ALK: variants seen among roughly 807,000 people sequenced by gnomAD.
ALK encodes ALK receptor tyrosine kinase.
In ALK, 74 loss-of-function variants were observed where a neutral mutation model predicts 163.1. That is an observed-to-expected ratio of 0.45 (90% CI 0.38 to 0.55). ALK has a LOEUF of 0.55. ALK is among the 20% of genes least tolerant of loss of function. The pLI, the probability that ALK is intolerant of heterozygous loss-of-function variation, is 0.00. For synonymous variants in ALK, 960 were observed against 843.2 expected, an observed-to-expected ratio of 1.14 and a Z score of -2.40; for missense variants, 2,063 against 2,105.3, an observed-to-expected ratio of 0.98 and a Z score of 0.39.
At chr2:29,284,219 TG>T (rs2148221582) in intron 9 of ALK, among the ~76,000 whole-genome samples, 1 of 152,096 alleles carries the variant, frequency 6.6e-6, no homozygotes, top group South Asian at 2.1e-4. Context: ...GTCAGGCAGC[TG>T]GAAACCCAGG....
At chr2:29,889,158 T>C (rs1242665778) in intron 1 of ALK, among the ~76,000 whole-genome samples, 6 of 152,170 alleles carry the variant, frequency 3.9e-5, no homozygotes, top group Non-Finnish European at 2.9e-5. Context: ...TCTTTTTACT[T>C]AGTTGCATTT....
chr2:29,335,318 A>G (rs1361032435), intron 5 of ALK, among the ~76,000 whole-genome samples: 2 of 152,156 alleles, frequency 1.3e-5, no homozygotes. Context: ...TAACAATGTA[A>G]ATCACAGGGG....
chr2:29,920,372 G>C lies in ALK; in HGVS notation c.288C>G (p.Ala96=). The change falls in exon 1 of 29, where the codon GCC becomes GCG. Residue 96 remains alanine, a synonymous_variant. Transcript: ENST00000389048. ...EARGSLALDC[A]PLLRLLGPAP... ...CCGGCCCCAGCAACCTGAGCAGCGG[G>C]GCGCAGTCCAGAGCTAGCGAGCCGC... 1.3e-6 allele frequency: 2 copies of C among 1,558,630 alleles called. No individual in the cohort carries two copies. The highest frequency in any genetic ancestry group is 1.7e-6 in the Non-Finnish European group (2 of 1,152,372).
intron 24 of ALK, among the ~76,000 whole-genome samples, chr2:29,210,555 C>T (rs776638627): frequency 2.0e-5 from 3 of 152,180 alleles, no homozygotes. Context: ...ATTTCAGCCT[C>T]CCAAGTAGCT....
At chr2:29,593,297 G>T (rs80078169) in intron 3 of ALK, among the ~76,000 whole-genome samples, 2,983 of 152,294 alleles carry the variant, frequency 0.02, 47 homozygotes, top group Middle Eastern at 0.048. Context: ...GGCTGGAGAT[G>T]ATTTCCAGTA....
intron 3 of ALK, among the ~76,000 whole-genome samples, chr2:29,605,823 T>C (rs1033055303): frequency 6.6e-6 from 1 of 152,182 alleles, no homozygotes; most frequent in African/African-American, 2.4e-5. Flanking sequence ...ATTGTGAGTG[T>C]TCCTTCTGTA....
chr2:29,377,038 T>C (rs1400774920), intron 5 of ALK, among the ~76,000 whole-genome samples: 1 of 152,230 alleles, frequency 6.6e-6, no homozygotes, highest in African/African-American at 2.4e-5. Context: ...AGAACTTGCC[T>C]TGTGAAAATG....
At chr2:29,827,944 G>A (rs1305854603) in intron 1 of ALK, among the ~76,000 whole-genome samples, 2 of 152,190 alleles carry the variant, frequency 1.3e-5, no homozygotes, top group Non-Finnish European at 2.9e-5. Flanking sequence ...AACCAAAACA[G>A]CACGGTACTG....
At chr2:29,355,734 C>A (rs1668231820) in intron 5 of ALK, among the ~76,000 whole-genome samples, 1 of 152,144 alleles carries the variant, frequency 6.6e-6, no homozygotes, top group African/African-American at 2.4e-5. Flanking sequence ...ACCTAACACC[C>A]TGAACTCTCC....
At chr2:29,322,928 G>A (rs370178161) in intron 6 of ALK, among the ~76,000 whole-genome samples, 2 of 152,324 alleles carry the variant, frequency 1.3e-5, no homozygotes, top group African/African-American at 2.4e-5. Flanking sequence ...GGAGGAGGCC[G>A]GCCTGAGGTG....
At chr2:29,454,510 A>G (rs1048192549) in intron 4 of ALK, among the ~76,000 whole-genome samples, 1 of 152,180 alleles carries the variant, frequency 6.6e-6, no homozygotes, top group Non-Finnish European at 1.5e-5. Flanking sequence ...CCACAAATGC[A>G]GAACCCACAG....
At chr2:29,313,664 G>C (rs1666752152) in intron 8 of ALK, among the ~76,000 whole-genome samples, 1 of 152,156 alleles carries the variant, frequency 6.6e-6, no homozygotes, top group Non-Finnish European at 1.5e-5. Context: ...GTTTGGTCTT[G>C]TGTTTATTAG....
chr2:29,364,495 C>T (rs955509916), intron 5 of ALK, among the ~76,000 whole-genome samples: 1 of 152,238 alleles, frequency 6.6e-6, no homozygotes, highest in African/African-American at 2.4e-5. Flanking sequence ...CTGCCAGTTC[C>T]TTCTGAAGGA....
chr2:29,579,972 G>T (rs190660336), intron 3 of ALK, among the ~76,000 whole-genome samples: 1 of 152,102 alleles, frequency 6.6e-6, no homozygotes, highest in Admixed American at 6.5e-5. Flanking sequence ...TGGGCTGAGA[G>T]GTCCCTGCAT....
At chr2:29,502,178 A>C (rs1252051592) in intron 4 of ALK, among the ~76,000 whole-genome samples, 2 of 152,192 alleles carry the variant, frequency 1.3e-5, no homozygotes, top group African/African-American at 4.8e-5. Context: ...GCTCTTGCGA[A>C]GCATATAGTC....
chr2:29,764,533 T>C (rs1249377960), intron 1 of ALK, among the ~76,000 whole-genome samples: 1 of 152,148 alleles, frequency 6.6e-6, no homozygotes, highest in African/African-American at 2.4e-5. Flanking sequence ...TCATCAAACA[T>C]TCTTAGAGCA....
intron 3 of ALK, among the ~76,000 whole-genome samples, chr2:29,549,195 T>G (rs1256284397): frequency 6.6e-6 from 1 of 151,808 alleles, no homozygotes; most frequent in Non-Finnish European, 1.5e-5. Flanking sequence ...TGCACAGGTG[T>G]ATGTGTCTTT....
intron 4 of ALK, among the ~76,000 whole-genome samples, chr2:29,385,124 T>C (rs1669001058): frequency 6.6e-6 from 1 of 151,926 alleles, no homozygotes; most frequent in African/African-American, 2.4e-5. Context: ...TTCACATTTT[T>C]TTTTTTTTTA....
At chr2:29,556,611 T>C (rs897822416) in intron 3 of ALK, among the ~76,000 whole-genome samples, 1 of 152,226 alleles carries the variant, frequency 6.6e-6, no homozygotes, top group Non-Finnish European at 1.5e-5. Flanking sequence ...GAATTCACTC[T>C]CATTTAAATA....
Sources: allele counts gnomAD v4.1 joint callset (sites outside exome capture counted in the v4.1 genomes callset), GRCh38; gene constraint gnomAD v4.1.1; transcripts MANE v1.5; gene names NCBI Gene and HGNC (gene_info 2026-07-23, HGNC 2026-07-21).